The following IL1RAPL1 variants were observed in gnomAD, a reference collection of about 807,000 sequenced individuals.
IL1RAPL1 encodes interleukin 1 receptor accessory protein like 1, also known as interleukin-1 receptor accessory protein-like 1.
In IL1RAPL1, 3 loss-of-function variants were observed where a neutral mutation model predicts 48.4. The observed-to-expected ratio is 0.06, with a 90% CI of 0.03 to 0.16. The LOEUF (loss-of-function observed/expected upper bound fraction) is 0.16, where lower values mean the gene tolerates loss of function less well. IL1RAPL1 is among the 10% of genes least tolerant of loss of function. IL1RAPL1 has a pLI of 1.00. For missense variants in IL1RAPL1, 349 were observed against 530.6 expected (o/e 0.66, Z 3.36); for synonymous variants, 185 against 187.7 (o/e 0.99, Z 0.12).
At chrX:29,266,980 C>T (rs745928269) in intron 2 of IL1RAPL1, among the ~76,000 whole-genome samples, 2 of 111,853 alleles carry the variant, frequency 1.8e-5, no homozygotes, top group South Asian at 3.7e-4. Flanking sequence ...AAGGGGCCAT[C>T]ATAGCACCAA....
At chrX:28,918,000 C>T (rs1465799761) in intron 2 of IL1RAPL1, among the ~76,000 whole-genome samples, 2 of 112,132 alleles carry the variant, frequency 1.8e-5, no homozygotes, top group East Asian at 5.6e-4. Flanking sequence ...AGTTGAGCTC[C>T]ATCTGCCTGA....
chrX:29,012,858 A>T (rs1926155536), intron 2 of IL1RAPL1, among the ~76,000 whole-genome samples: 1 of 112,130 alleles, frequency 8.9e-6, no homozygotes, highest in African/African-American at 3.2e-5. Flanking sequence ...AAGGTTGAGC[A>T]AACTTTCCAC....
chrX:29,035,750 T>C lies in IL1RAPL1; in HGVS notation c.82+246325T>C, dbSNP rs980784079. The stretch of plus-strand genomic sequence containing the variant: ...AAAAATGCTTTAAAGTTATAAACCA[T>C]AAAGGAAGAAAGGCATACTGGAAAA... On this transcript the variant is annotated intron_variant, in intron 2 of 10. Coordinates refer to ENST00000378993, the MANE Select transcript of IL1RAPL1 (RefSeq NM_014271.4). Among the ~76,000 whole-genome samples, 13 of 112,116 alleles carry C rather than the reference T, an allele frequency of 1.2e-4. 1 individual carries two copies. The East Asian group carries it at 3.1e-3, about 27-fold the overall frequency.
chrX:29,380,321 G>A (rs1933680541), intron 3 of IL1RAPL1, among the ~76,000 whole-genome samples: 1 of 112,019 alleles, frequency 8.9e-6, no homozygotes, highest in African/African-American at 3.2e-5. Context: ...TCCGCCTCTC[G>A]GGTTCAAGTG....
At chrX:28,858,804 A>G (rs1490295176) in intron 2 of IL1RAPL1, among the ~76,000 whole-genome samples, 1 of 112,350 alleles carries the variant, frequency 8.9e-6, no homozygotes, top group African/African-American at 3.2e-5. Context: ...AACTGCCAGC[A>G]CATGGTGATA....
At chrX:28,622,421 A>G (rs1314301320) in intron 1 of IL1RAPL1, among the ~76,000 whole-genome samples, 1 of 111,974 alleles carries the variant, frequency 8.9e-6, no homozygotes, top group Non-Finnish European at 1.9e-5. Flanking sequence ...TCTAATATAC[A>G]AAGGTTTTAT....
At chrX:29,129,142 G>T (rs1005425369) in intron 2 of IL1RAPL1, among the ~76,000 whole-genome samples, 64 of 102,616 alleles carry the variant, frequency 6.2e-4, no homozygotes, top group African/African-American at 2.3e-3. Context: ...CTCCTGGGTT[G>T]AAGAAATTCT....
chrX:29,894,721 C>T (rs1932342876), intron 6 of IL1RAPL1, among the ~76,000 whole-genome samples: 1 of 111,923 alleles, frequency 8.9e-6, no homozygotes, highest in Non-Finnish European at 1.9e-5. Flanking sequence ...AGATTCTTAA[C>T]CCAGGATTCT....
chrX:29,499,009 C>T (rs764466094), intron 5 of IL1RAPL1, among the ~76,000 whole-genome samples: 1 of 112,083 alleles, frequency 8.9e-6, no homozygotes, highest in African/African-American at 3.2e-5. Context: ...GACTGAAACA[C>T]AAAAATATGT....
chrX:29,467,720 A>C (rs188455530), intron 5 of IL1RAPL1, among the ~76,000 whole-genome samples: 124 of 112,285 alleles, frequency 1.1e-3, no homozygotes, highest in Admixed American at 1.8e-3. Context: ...AAAATACTTC[A>C]ATAGCTGGGG....
chrX:29,595,563 C>T (rs1016127799), intron 5 of IL1RAPL1, among the ~76,000 whole-genome samples: 3 of 111,532 alleles, frequency 2.7e-5, no homozygotes, highest in African/African-American at 9.8e-5. Flanking sequence ...TGTTTGTGTC[C>T]TTAGCCCACT....
intron 3 of IL1RAPL1, among the ~76,000 whole-genome samples, chrX:29,378,044 GTTT>G (rs201446497): frequency 1.2e-5 from 1 of 85,682 alleles, no homozygotes. Flanking sequence ...TTTCTTTGAG[GTTT>G]TTTTTTTTTT....
chrX:29,267,129 A>G (rs1024021467), intron 2 of IL1RAPL1, among the ~76,000 whole-genome samples: 5 of 111,971 alleles, frequency 4.5e-5, no homozygotes, highest in African/African-American at 1.6e-4. Flanking sequence ...ACAGATACCT[A>G]ATCATTTCAC....
intron 1 of IL1RAPL1, among the ~76,000 whole-genome samples, chrX:28,723,446 T>A (rs1490358710): frequency 9.0e-6 from 1 of 111,581 alleles, no homozygotes; most frequent in Non-Finnish European, 1.9e-5. Context: ...GATATCCCCT[T>A]TATCATTTTT....
chrX:29,285,524 C>CAAAAAA lies in IL1RAPL1; in HGVS notation c.362+2334_362+2339dup. On this transcript the variant is annotated intron_variant, in intron 3 of 10. Transcript: ENST00000378993. ...TGGCAACAAGAGCCAAACTCCGTCT[C>CAAAAAA]AAAAAAAAAAAAAAAAAAAAAAAAA... 9.5e-4 allele frequency among the ~76,000 whole-genome samples: 11 copies of CAAAAAA among 11,585 alleles called. 1 individual carries two copies. Among genetic ancestry groups the CAAAAAA allele is most frequent in the East Asian group, 4.4e-3 (1 of 228 alleles). The allele number at this position is 11,585 out of a possible 115,157, so 10.1% of individuals were successfully genotyped here.
intron 3 of IL1RAPL1, among the ~76,000 whole-genome samples, chrX:29,351,637 G>A (rs1933231671): frequency 8.9e-6 from 1 of 112,077 alleles, no homozygotes; most frequent in African/African-American, 3.2e-5. Context: ...AATGTACATG[G>A]TAAGCCTTCT....
At chrX:29,299,835 T>G (rs778843910) in intron 3 of IL1RAPL1, among the ~76,000 whole-genome samples, 1 of 112,446 alleles carries the variant, frequency 8.9e-6, no homozygotes, top group South Asian at 3.7e-4. Context: ...TGAAATTTGA[T>G]CCCAGAGTTG....
chrX:28,912,583 C>T (rs957957182), intron 2 of IL1RAPL1, among the ~76,000 whole-genome samples: 2 of 110,277 alleles, frequency 1.8e-5, no homozygotes, highest in Non-Finnish European at 3.8e-5. Flanking sequence ...TGTGTGTCTC[C>T]GTGTGTATAT....
chrX:29,573,486 A>G (rs1922661106), intron 5 of IL1RAPL1, among the ~76,000 whole-genome samples: 1 of 112,331 alleles, frequency 8.9e-6, no homozygotes, highest in Non-Finnish European at 1.9e-5. Context: ...TGAAAACTTG[A>G]GTGTCCTAAT....
Sources: gnomAD v4.1 joint callset for allele counts (sites outside exome capture counted in the v4.1 genomes callset) on GRCh38, gnomAD v4.1.1 for gene constraint, MANE v1.5 for transcripts, NCBI Gene and HGNC (gene_info 2026-07-23, HGNC 2026-07-21) for gene names.